Variants in PPFIA3 observed in about 807,000 individuals in gnomAD.
PPFIA3 encodes the protein liprin-alpha-3.
PPFIA3 carries 26 observed loss-of-function variants against 145.8 expected under a neutral mutation model. The observed-to-expected ratio is 0.18, with a 90% confidence interval of 0.13 to 0.25. PPFIA3 has a LOEUF of 0.25. Among genes scored for constraint, PPFIA3 ranks in the 10% least tolerant of loss-of-function variants. The pLI is 1.00. For missense variants in PPFIA3, 1,008 were observed against 1,587.8 expected (o/e 0.63, Z 6.21); for synonymous variants, 645 against 661.4 (o/e 0.98, Z 0.38).
At chr19:49,122,714 G>GTTTTTTTTT (rs200075853) in intron 1 of PPFIA3, among the ~76,000 whole-genome samples, 2 of 114,876 alleles carry the variant, frequency 1.7e-5, no homozygotes, top group African/African-American at 3.2e-5. Context: ...TTGTTTAGTT[G>GTTTTTTTTT]TTTTTTTTTT....
chr19:49,134,304 T>C (rs2041111340), intron 11 of PPFIA3, 139 bp downstream of exon 11: 1 of 1,199,818 alleles, frequency 8.3e-7, no homozygotes, highest in East Asian at 2.5e-5. Context: ...GGCAGCCTTC[T>C]CTGCTCTATT....
chr19:49,136,807 G>A lies in PPFIA3; in HGVS notation c.1749G>A (p.Glu583=), dbSNP rs751557213. The A allele has an allele frequency of 6.3e-7, 1 of 1,592,824 alleles. No homozygotes were observed. Among genetic ancestry groups the A allele is most frequent in the South Asian group, 1.1e-5 (1 of 87,480 alleles). Residue 583 remains glutamate, a synonymous_variant, in exon 15 of 30, where the codon GAG becomes GAA. Transcript: ENST00000334186. The part of the protein sequence containing the change: ...ELDGSDEEEA[E]GMFGAELLSP... ...ACGGCTCCGATGAGGAGGAGGCAGA[G>A]GGGATGTTTGGGGCCGAGCTGCTGT...
Position 49,128,277 on chromosome 19 carries a change from G to GC in PPFIA3, c.241-90_241-89insC. ...AGGGACAGCGGGACTTAGCAGGGAG[G>GC]GCGGGACCTTCAAACTTCCAGTCCC... On this transcript the variant is annotated intron_variant, in intron 2 of 29. Coordinates refer to ENST00000334186, the MANE Select transcript of PPFIA3 (RefSeq NM_003660.4). This position sits in a 1 kb window ranked among gnomAD's most constrained non-coding sequence, Gnocchi z 4.1. 6.5e-7 allele frequency: 1 copy of GC among 1,527,458 alleles called. No homozygotes were observed. The highest frequency in any genetic ancestry group is 1.4e-5 in the African/African-American group (1 of 73,368). 94.6% of individuals were successfully genotyped at this position (1,527,458 alleles called of 1,614,324 possible).
At chr19:49,124,167 A>C (rs1395585671) in intron 1 of PPFIA3, among the ~76,000 whole-genome samples, 1 of 152,092 alleles carries the variant, frequency 6.6e-6, no homozygotes, top group Non-Finnish European at 1.5e-5. Flanking sequence ...AATGTAATTA[A>C]ATTTTTAAAA....
intron 7 of PPFIA3, among the ~76,000 whole-genome samples, chr19:49,131,983 C>T (rs1001441804): frequency 2.0e-5 from 3 of 148,720 alleles, no homozygotes; most frequent in African/African-American, 7.5e-5. Flanking sequence ...GCACTCCAGC[C>T]CGGGCAACAG....
chr19:49,133,375 C>T lies in PPFIA3; in HGVS notation c.1161+4C>T. 1.3e-6 allele frequency: 2 copies of T among 1,543,662 alleles called. No homozygotes were observed. Among genetic ancestry groups the T allele is most frequent in the Admixed American group, 1.8e-5 (1 of 55,334 alleles). The stretch of plus-strand genomic sequence containing the variant: ...GCGCGTGGCGGCGCTCAACAAGGTG[C>T]GGGGAGGACTCGGGTCGGGGCCTTG... On this transcript the variant is annotated splice_donor_region_variant and intron_variant, in intron 9 of 29. Coordinates refer to ENST00000334186, the MANE Select transcript of PPFIA3 (RefSeq NM_003660.4). The surrounding 1 kb of genome is among the most constrained non-coding windows in gnomAD (Gnocchi z 7.2).
Position 49,140,085 on chromosome 19 carries a change from C to T in PPFIA3, c.2365C>T (p.Leu789=). 6.2e-7 allele frequency: 1 copy of T among 1,613,912 alleles called. No individual in the cohort carries two copies. The highest frequency in any genetic ancestry group is 8.5e-7 in the Non-Finnish European group (1 of 1,180,036). Residue 789 remains leucine, a synonymous_variant, in exon 18 of 30, where the codon CTG becomes TTG. Transcript: ENST00000334186. The stretch of plus-strand genomic sequence containing the variant: ...ACCCCCAGGCCGGGACAGCTCTTCT[C>T]TGGGTGAGTACCTCACTCTAACCCT... ...MGPPGRDSSS[L]AGTPSDETLA... is the part of the protein sequence containing the mutation.
intron 23 of PPFIA3, among the ~76,000 whole-genome samples, chr19:49,147,412 G>A (rs184324388): frequency 1.2e-3 from 184 of 152,224 alleles, no homozygotes; most frequent in Non-Finnish European, 1.4e-3. Context: ...ACAGCCAGGC[G>A]CGGTGGCTCA....
chr19:49,140,314 A>C (rs1320736445), intron 18 of PPFIA3, among the ~76,000 whole-genome samples: 1 of 151,750 alleles, frequency 6.6e-6, no homozygotes. Context: ...AAAGGAATTT[A>C]TTTCCTTTAC....
rs1051153915 is a variant in PPFIA3 at position 49,130,182 on chromosome 19, G to A, written c.657+115G>A. The stretch of plus-strand genomic sequence containing the variant: ...CCCTAAGACGGCTGCACCTGTAAGA[G>A]TGTCACAGAGCTTGGACCTCTGATT... On this transcript the variant is annotated intron_variant, in intron 6 of 29. Transcript: ENST00000334186. The surrounding 1 kb of genome is among the most constrained non-coding windows in gnomAD (Gnocchi z 4.5). The A allele has an allele frequency of 3.2e-6, 4 of 1,240,748 alleles. No individual in the cohort carries two copies. The African/African-American group carries it at 6.1e-5, about 19-fold the overall frequency. 76.9% of individuals were successfully genotyped at this position (1,240,748 alleles called of 1,614,324 possible).
chr19:49,129,947 G>A (rs370266591), intron 5 of PPFIA3, 46 bp from the exon 6 acceptor site: 6 of 1,595,050 alleles, frequency 3.8e-6, no homozygotes, highest in Non-Finnish European at 5.1e-6. Flanking sequence ...CTAGAGCTGG[G>A]GGTTCAGGGA....
chr19:49,135,118 T>C (rs2041123007), intron 13 of PPFIA3, among the ~76,000 whole-genome samples: 2 of 152,184 alleles, frequency 1.3e-5, no homozygotes, highest in South Asian at 4.1e-4. Flanking sequence ...TCCGGCTCAC[T>C]GCAACCTCCA....
At chr19:49,145,604 T>G in intron 21 of PPFIA3, 1 of 342,466 alleles carries the variant, frequency 2.9e-6, no homozygotes, top group Non-Finnish European at 5.5e-6. Flanking sequence ...CCATACTCCC[T>G]AAACATTTGC....
At chr19:49,143,041 T>TC in intron 21 of PPFIA3, 37 bp downstream of exon 21, 1 of 1,587,418 alleles carries the variant, frequency 6.3e-7, no homozygotes, top group Non-Finnish European at 8.6e-7. Context: ...CTTCGCTTCC[T>TC]CAGAGCCCCG....
intron 16 of PPFIA3, 79 bp downstream of exon 16, chr19:49,138,506 A>C: frequency 8.0e-7 from 1 of 1,242,622 alleles, no homozygotes; most frequent in Middle Eastern, 3.0e-4. Flanking sequence ...GTACAGCAAC[A>C]ATAACCCCTC....
Position 49,136,837 on chromosome 19 carries a change from C to A in PPFIA3, c.1779C>A (p.Pro593=). The A allele has an allele frequency of 6.3e-7, 1 of 1,589,696 alleles. No homozygotes were observed. The highest frequency in any genetic ancestry group is 1.3e-5 in the African/African-American group (1 of 74,732). The change falls in exon 15 of 30, where the codon CCC becomes CCA. Residue 593 remains proline (P), a synonymous_variant. Coordinates refer to ENST00000334186, the MANE Select transcript of PPFIA3 (RefSeq NM_003660.4). ...TGTTTGGGGCCGAGCTGCTGTCCCC[C>A]AGTGGGCAGGCTGACGTGCAGACGC... ...EGMFGAELLS[P]SGQADVQTLA...
intron 14 of PPFIA3, among the ~76,000 whole-genome samples, 181 bp from the exon 15 acceptor site, chr19:49,136,543 C>A (rs1436280786): frequency 1.3e-5 from 2 of 152,182 alleles, no homozygotes; most frequent in Non-Finnish European, 2.9e-5. Context: ...TGCGCCACTG[C>A]ACTCCAGCCT....
At chr19:49,123,775 G>T (rs1319194535) in intron 1 of PPFIA3, among the ~76,000 whole-genome samples, 2 of 152,118 alleles carry the variant, frequency 1.3e-5, no homozygotes, top group African/African-American at 2.4e-5. Flanking sequence ...TCCCAGTGAA[G>T]TGTTCTACAT....
At chr19:49,121,814 T>A (rs969236145) in intron 1 of PPFIA3, among the ~76,000 whole-genome samples, 6 of 151,410 alleles carry the variant, frequency 4.0e-5, no homozygotes, top group Non-Finnish European at 5.9e-5. Flanking sequence ...TTATTTATTT[T>A]TTGTAGAGAT....
Sources: gnomAD v4.1 joint callset for allele counts (sites outside exome capture counted in the v4.1 genomes callset) on GRCh38, gnomAD v4.1.1 for gene constraint, Gnocchi (gnomAD v3.1) non-coding constraint, MANE v1.5 for transcripts, NCBI Gene and HGNC (gene_info 2026-07-23, HGNC 2026-07-21) for gene names.